The following NEMF variants were observed in gnomAD, a reference collection of about 807,000 sequenced individuals.
NEMF encodes ribosome quality control complex subunit NEMF.
A neutral mutation model predicts 162.2 loss-of-function variants in NEMF; 89 were observed. The ratio of observed to expected loss-of-function variants is 0.55; its 90% CI spans 0.46 to 0.65. The LOEUF is 0.65. Ranked by LOEUF, NEMF falls within the 30% of genes least tolerant of loss-of-function variation. The pLI is 0.00. For missense variants in NEMF, 1,133 were observed against 1,261.9 expected (o/e 0.90, Z 1.55); for synonymous variants, 421 against 404.5 (o/e 1.04, Z -0.49).
In NEMF at chr14:49,782,594, G is replaced by GGTAA. The variant is rs775587169; in HGVS notation, c.*2038_*2041dup. 4 of 1,599,044 alleles carry GGTAA rather than the reference G, an allele frequency of 2.5e-6. No homozygotes were observed. The East Asian group carries it at 6.7e-5, about 27-fold the overall frequency. Reference sequence around the variant, plus strand: ...TCAGTTCAACCAAAATCTCTTGTACGGTAAGTAACTTTGTACTTGGCACTT... The same window carrying GGTAA: ...TCAGTTCAACCAAAATCTCTTGTACGGTAAGTAAGTAACTTTGTACTTGGCACTT... On this transcript the variant is annotated 3_prime_UTR_variant, in exon 33 of 33. Transcript: ENST00000298310.
chr14:49,830,418 G>C (rs1181414362), intron 11 of NEMF, among the ~76,000 whole-genome samples: 1 of 152,174 alleles, frequency 6.6e-6, no homozygotes, highest in African/African-American at 2.4e-5. Context: ...CTTTAAGGCA[G>C]AGTCTCACTC....
chr14:49,849,986 G>T (rs781173259), intron 3 of NEMF, among the ~76,000 whole-genome samples: 1 of 152,172 alleles, frequency 6.6e-6, no homozygotes, highest in Non-Finnish European at 1.5e-5. Context: ...GCTCTTCTCT[G>T]TAAAGCCTCT....
intron 26 of NEMF, among the ~76,000 whole-genome samples, chr14:49,791,735 TAAAAAAAAA>T (rs10586126): frequency 1.6e-4 from 22 of 141,016 alleles, no homozygotes; most frequent in Non-Finnish European, 1.4e-4. Context: ...AGACTCCATT[TAAAAAAAAA>T]AAAAAAAAAA....
In NEMF at chr14:49,782,280, C is replaced by G. The variant is rs1190719035; in HGVS notation, c.*2356G>C. The G allele has an allele frequency of 2.5e-6, 2 of 786,476 alleles. No individual in the cohort carries two copies. Among genetic ancestry groups the G allele is most frequent in the Non-Finnish European group, 4.2e-6 (2 of 479,980 alleles). 48.7% of individuals were successfully genotyped at this position (786,476 alleles called of 1,614,324 possible). A position where few individuals can be genotyped will look rare whatever the true frequency, so the allele number is the denominator to read the frequency against. On this transcript the variant is annotated 3_prime_UTR_variant, in exon 33 of 33. Coordinates refer to ENST00000298310, the MANE Select transcript of NEMF (RefSeq NM_004713.6). ...TTTGGTCTGAACTACCTTAAGATCGCTAGTCTTTATTTCATAGCTCTATTC... is the reference window on the plus strand; with the variant it reads ...TTTGGTCTGAACTACCTTAAGATCGGTAGTCTTTATTTCATAGCTCTATTC...
At chr14:49,803,520 TTTTC>T (rs1201574758) in intron 19 of NEMF, among the ~76,000 whole-genome samples, 83 of 151,866 alleles carry the variant, frequency 5.5e-4, no homozygotes, top group Middle Eastern at 3.4e-3. Flanking sequence ...ACATCAATAA[TTTTC>T]TTTCTTTTTT....
intron 3 of NEMF, among the ~76,000 whole-genome samples, chr14:49,850,373 C>G (rs1893714135): frequency 6.6e-6 from 1 of 152,168 alleles, no homozygotes; most frequent in African/African-American, 2.4e-5. Flanking sequence ...CAGGCATGAG[C>G]CACCGCACCT....
intron 25 of NEMF, chr14:49,796,328 A>G (rs1342063220): frequency 1.5e-5 from 7 of 458,628 alleles, no homozygotes; most frequent in South Asian, 9.3e-5. Context: ...CGGTTGGTTG[A>G]CTAAATGGAT....
chr14:49,785,345 A>G (rs1193295456), intron 29 of NEMF, 25 bp from the exon 30 acceptor site: 1 of 1,540,200 alleles, frequency 6.5e-7, no homozygotes. Context: ...TAACAGTTAC[A>G]AAGGCAATTT....
chr14:49,799,821 C>T, intron 23 of NEMF, 143 bp from the exon 24 acceptor site: 1 of 661,808 alleles, frequency 1.5e-6, no homozygotes, highest in Non-Finnish European at 2.6e-6. Flanking sequence ...AAACATACAA[C>T]CAAATTGCTC....
Position 49,799,474 on chromosome 14 carries a change from C to A in NEMF, c.2465+1G>T, listed in dbSNP as rs1389554041. 6.2e-7 allele frequency: 1 copy of A among 1,607,056 alleles called. No homozygotes were observed. The highest frequency in any genetic ancestry group is 8.5e-7 in the Non-Finnish European group (1 of 1,177,990). On this transcript the variant is annotated splice_donor_variant, in intron 25 of 32. Coordinates refer to ENST00000298310, the MANE Select transcript of NEMF (RefSeq NM_004713.6). LOFTEE classifies it high-confidence loss of function. ...TAGTTAATTAACACAGATGTGTTTA[C>A]CTTCTTTCCTTGGCTGACAAATGTC...
intron 4 of NEMF, chr14:49,844,714 TACAC>T (rs373143066): frequency 0.75 from 109,380 of 145,808 alleles, 39,204 homozygotes; most frequent in East Asian, 0.9. Context: ...TTTATATACA[TACAC>T]ACGCACGCGC....
chr14:49,817,924 A>G lies in NEMF; in HGVS notation c.1578-3067T>C, dbSNP rs1469388583. On this transcript the variant is annotated intron_variant, in intron 16 of 32. Transcript: ENST00000298310. ...CACTTTCCAACTTGTTTTATGAGGC[A>G]ATATGACCTTGATACCAATACCCAA... Among the ~76,000 whole-genome samples the G allele has an allele frequency of 3.3e-5, 5 of 152,322 alleles. No homozygotes were observed. The South Asian group carries it at 1.0e-3, about 32-fold the overall frequency.
intron 18 of NEMF, among the ~76,000 whole-genome samples, chr14:49,810,634 G>C (rs994980806): frequency 6.6e-6 from 1 of 152,022 alleles, no homozygotes; most frequent in Non-Finnish European, 1.5e-5. Flanking sequence ...GCTAATCTGA[G>C]TCTCCTTGCA....
At chr14:49,838,647 C>T (rs1449671224) in intron 5 of NEMF, among the ~76,000 whole-genome samples, 3 of 149,338 alleles carry the variant, frequency 2.0e-5, no homozygotes, top group Non-Finnish European at 4.4e-5. Flanking sequence ...TACAGTGGCA[C>T]GATCTCGGCT....
intron 25 of NEMF, among the ~76,000 whole-genome samples, chr14:49,799,091 C>T (rs182278447): frequency 4.0e-5 from 6 of 150,648 alleles, no homozygotes; most frequent in Admixed American, 2.7e-4. Context: ...CGCCTGTAGT[C>T]CCAGCTACTC....
At chr14:49,826,040 TTA>T in intron 15 of NEMF, 85 bp from the exon 16 acceptor site, 2 of 825,194 alleles carry the variant, frequency 2.4e-6, no homozygotes, top group South Asian at 1.6e-5. Context: ...AAGAATTTTT[TTA>T]AATGTCACAA....
chr14:49,848,043 A>AG, intron 3 of NEMF, among the ~76,000 whole-genome samples: 1 of 151,562 alleles, frequency 6.6e-6, no homozygotes, highest in Admixed American at 6.6e-5. Context: ...AAAAAAAAAA[A>AG]AAAAAAGAAA....
chr14:49,835,308 T>C (rs1160186414), intron 6 of NEMF, among the ~76,000 whole-genome samples: 1 of 152,174 alleles, frequency 6.6e-6, no homozygotes, highest in Non-Finnish European at 1.5e-5. Context: ...TATAGGAATT[T>C]AATGGGCTTC....
Position 49,807,778 on chromosome 14 carries a change from T to A in NEMF, c.1745-1645A>T, listed in dbSNP as rs544743886. 9.0e-4 allele frequency among the ~76,000 whole-genome samples: 136 copies of A among 151,462 alleles called. 1 individual carries two copies. Among genetic ancestry groups the A allele is most frequent in the Non-Finnish European group, 1.4e-3 (93 of 67,786 alleles). On this transcript the variant is annotated intron_variant, in intron 18 of 32. Transcript: ENST00000298310. ...CCGGCTAATTTTTATATATATATAT[T>A]TTTTTACTAGGGATGGGGTTTCACT...
Sources: gnomAD v4.1 joint callset for allele counts (sites outside exome capture counted in the v4.1 genomes callset) on GRCh38, gnomAD v4.1.1 for gene constraint, MANE v1.5 for transcripts, NCBI Gene and HGNC (gene_info 2026-07-23, HGNC 2026-07-21) for gene names.